The following CAP2 variants were observed in gnomAD, a reference collection of about 807,000 sequenced individuals.
CAP2 encodes adenylyl cyclase-associated protein 2.
A neutral mutation model predicts 57.7 loss-of-function variants in CAP2; 24 were observed. The ratio of observed to expected loss-of-function variants is 0.42; its 90% CI spans 0.30 to 0.58. The LOEUF is 0.58. CAP2 is among the 20% of genes least tolerant of loss of function. The pLI, the probability that CAP2 is intolerant of heterozygous loss-of-function variation, is 0.22. For missense variants in CAP2, 501 were observed against 590.3 expected, an observed-to-expected ratio of 0.85 and a Z score of 1.57; for synonymous variants, 194 against 207.2, an observed-to-expected ratio of 0.94 and a Z score of 0.55.
chr6:17,513,962 C>A lies in CAP2; in HGVS notation c.636+8C>A. On this transcript the variant is annotated splice_region_variant and intron_variant, in intron 7 of 12. Transcript: ENST00000229922. This position sits in a 1 kb window ranked among gnomAD's most constrained non-coding sequence, Gnocchi z 4.3. ...CTCACATGGAGCAAAACAGTGAGTA[C>A]GAGGCCTTCCTCCACGTGTGTAAAA... The A allele has an allele frequency of 5.2e-6, 8 of 1,530,202 alleles. No individual in the cohort carries two copies. Among genetic ancestry groups the A allele is most frequent in the Non-Finnish European group, 7.2e-6 (8 of 1,103,516 alleles). 94.8% of individuals were successfully genotyped at this position (1,530,202 alleles called of 1,614,324 possible).
chr6:17,519,596 T>C (rs1014524241), intron 7 of CAP2, among the ~76,000 whole-genome samples: 2 of 152,194 alleles, frequency 1.3e-5, no homozygotes, highest in African/African-American at 4.8e-5. Flanking sequence ...AAGTTTCAAA[T>C]GCACTTCGTT....
In CAP2 at chr6:17,464,517, T is replaced by C. The variant is rs964481773; in HGVS notation, c.300+1444T>C. ...GCCATGCTTGTGCAGTAGAATCACCTGCAAAATTTTAAAAAATACCAGTAC... is the reference window on the plus strand; with the variant it reads ...GCCATGCTTGTGCAGTAGAATCACCCGCAAAATTTTAAAAAATACCAGTAC... On this transcript the variant is annotated intron_variant, in intron 4 of 12. Coordinates refer to ENST00000229922, the MANE Select transcript of CAP2 (RefSeq NM_006366.3). Among the ~76,000 whole-genome samples, 115 of 152,270 alleles carry C rather than the reference T, an allele frequency of 7.6e-4. 2 individuals carry two copies. The highest frequency in any genetic ancestry group is 7.7e-4 in the East Asian group (4 of 5,162).
chr6:17,494,093 G>T (rs1475297054), intron 4 of CAP2, among the ~76,000 whole-genome samples: 2 of 152,112 alleles, frequency 1.3e-5, no homozygotes, highest in African/African-American at 2.4e-5. Flanking sequence ...TTCATCTCTT[G>T]TCGGAATTAT....
At chr6:17,523,123 C>T (rs1467274633) in intron 7 of CAP2, among the ~76,000 whole-genome samples, 1 of 152,092 alleles carries the variant, frequency 6.6e-6, no homozygotes, top group Admixed American at 6.6e-5. Context: ...GATTAGAGGC[C>T]CTGATACGTG....
chr6:17,436,422 C>T (rs568451536), intron 3 of CAP2, among the ~76,000 whole-genome samples: 6 of 152,208 alleles, frequency 3.9e-5, no homozygotes, highest in South Asian at 2.1e-4. Context: ...CATGAGCCAC[C>T]GCGCCTGGCC....
chr6:17,514,032 A>G (rs1762214731), intron 7 of CAP2, 78 bp downstream of exon 7: 1 of 894,572 alleles, frequency 1.1e-6, no homozygotes, highest in African/African-American at 1.7e-5. Context: ...GTAATCTCAC[A>G]CCTTAAAACT....
At chr6:17,465,449 A>G (rs1760837927) in intron 4 of CAP2, among the ~76,000 whole-genome samples, 1 of 152,218 alleles carries the variant, frequency 6.6e-6, no homozygotes, top group Non-Finnish European at 1.5e-5. Flanking sequence ...TCCATGTGCA[A>G]TAAGGCCTGG....
chr6:17,539,247 G>A, intron 7 of CAP2, 22 bp from the exon 8 acceptor site: 3 of 1,593,938 alleles, frequency 1.9e-6, no homozygotes, highest in Non-Finnish European at 2.6e-6. Context: ...GCAATGCAAT[G>A]CCCTGTCTTC....
chr6:17,498,627 C>T (rs1315859769), intron 4 of CAP2, among the ~76,000 whole-genome samples: 1 of 152,062 alleles, frequency 6.6e-6, no homozygotes, highest in Non-Finnish European at 1.5e-5. Context: ...GATCCTGGGC[C>T]CCCATTAAAC....
intron 11 of CAP2, among the ~76,000 whole-genome samples, chr6:17,549,465 CA>C (rs550642118): frequency 2.3e-4 from 33 of 144,664 alleles, no homozygotes; most frequent in African/African-American, 8.2e-4. Context: ...ACTCCATCTT[CA>C]AAAAAAAAGA....
At chr6:17,477,528 C>T (rs1011122265) in intron 4 of CAP2, among the ~76,000 whole-genome samples, 4 of 152,178 alleles carry the variant, frequency 2.6e-5, no homozygotes, top group African/African-American at 4.8e-5. Context: ...TTAAATGAGT[C>T]TCTGAAAACC....
intron 3 of CAP2, among the ~76,000 whole-genome samples, chr6:17,433,990 A>G (rs567770180): frequency 1.3e-5 from 2 of 152,272 alleles, no homozygotes; most frequent in Non-Finnish European, 2.9e-5. Flanking sequence ...TCGAAGGGCC[A>G]CCAGGCCTGA....
chr6:17,555,035 G>C (rs1199699499), intron 12 of CAP2, among the ~76,000 whole-genome samples: 1 of 152,194 alleles, frequency 6.6e-6, no homozygotes, highest in Non-Finnish European at 1.5e-5. Flanking sequence ...ATTTATCAAA[G>C]AGTAGAGAGC....
At chr6:17,420,504 C>G (rs1759408962) in intron 1 of CAP2, among the ~76,000 whole-genome samples, 1 of 152,196 alleles carries the variant, frequency 6.6e-6, no homozygotes, top group Non-Finnish European at 1.5e-5. Context: ...ACTCAGTTCT[C>G]CTGGGCAGGG....
At chr6:17,431,771 A>C (rs917329228) in intron 3 of CAP2, among the ~76,000 whole-genome samples, 1 of 152,104 alleles carries the variant, frequency 6.6e-6, no homozygotes, top group South Asian at 2.1e-4. Flanking sequence ...GCAGGATGAC[A>C]TAATTTCTCA....
At chr6:17,424,168 C>T (rs1008469790) in intron 2 of CAP2, among the ~76,000 whole-genome samples, 20 of 152,040 alleles carry the variant, frequency 1.3e-4, no homozygotes, top group African/African-American at 4.6e-4. Context: ...TGGGAGGCCG[C>T]GGCGAGCCGA....
At chr6:17,531,732 CG>C (rs1397762445) in intron 7 of CAP2, 3 of 609,712 alleles carry the variant, frequency 4.9e-6, no homozygotes, top group Non-Finnish European at 8.6e-6. Context: ...AGATCAATGT[CG>C]TCTATATACA....
At chr6:17,454,905 T>C (rs561934373) in intron 3 of CAP2, among the ~76,000 whole-genome samples, 1 of 152,274 alleles carries the variant, frequency 6.6e-6, no homozygotes, top group East Asian at 1.9e-4. Context: ...CTTTATTTTT[T>C]CTAGACATTC....
intron 11 of CAP2, among the ~76,000 whole-genome samples, chr6:17,549,409 G>A (rs116193708): frequency 0.019 from 2,915 of 152,072 alleles, 94 homozygotes; most frequent in African/African-American, 0.067. Flanking sequence ...GTTGTGGTGA[G>A]CCAAGAATCG....
Sources: gnomAD v4.1 joint callset for allele counts (sites outside exome capture counted in the v4.1 genomes callset) on GRCh38, gnomAD v4.1.1 for gene constraint, Gnocchi (gnomAD v3.1) non-coding constraint, MANE v1.5 for transcripts, NCBI Gene and HGNC (gene_info 2026-07-23, HGNC 2026-07-21) for gene names.